The following NALCN variants were observed in gnomAD, a reference collection of about 807,000 sequenced individuals.
NALCN encodes the protein sodium leak channel NALCN.
In NALCN, 111 loss-of-function variants were observed where a neutral mutation model predicts 225.3. That is an observed-to-expected ratio of 0.49 (90% CI 0.42 to 0.58). The LOEUF is 0.58. NALCN is among the 20% of genes least tolerant of loss of function. The pLI is 0.00. For missense variants in NALCN, 1,378 were observed against 2,202.4 expected (o/e 0.63, Z 7.49); for synonymous variants, 764 against 769.0 (o/e 0.99, Z 0.11).
At chr13:101,250,878 A>T (rs1221883448) in intron 11 of NALCN, among the ~76,000 whole-genome samples, 2 of 152,012 alleles carry the variant, frequency 1.3e-5, no homozygotes, top group African/African-American at 4.8e-5. Context: ...ATTATAGAAG[A>T]GGAAATTCAG....
chr13:101,381,935 T>C (rs566493134), intron 3 of NALCN, among the ~76,000 whole-genome samples: 1 of 152,164 alleles, frequency 6.6e-6, no homozygotes, highest in South Asian at 2.1e-4. Flanking sequence ...AGGCAAAGAA[T>C]TCCAAAAACG....
At chr13:101,261,126 TC>T (rs71200734) in intron 10 of NALCN, among the ~76,000 whole-genome samples, 2 of 152,208 alleles carry the variant, frequency 1.3e-5, no homozygotes, top group African/African-American at 4.8e-5. Flanking sequence ...AACTCTCTTT[TC>T]CCCAGTGTAT....
In NALCN at chr13:101,104,151, A is replaced by C; in HGVS notation, c.2889+144T>G. The C allele has an allele frequency of 1.2e-6, 1 of 854,302 alleles. No homozygotes were observed. The highest frequency in any genetic ancestry group is 1.7e-6 in the Non-Finnish European group (1 of 581,022). 52.9% of individuals were successfully genotyped at this position (854,302 alleles called of 1,614,324 possible). On this transcript the variant is annotated intron_variant, in intron 25 of 43. Coordinates refer to ENST00000251127, the MANE Select transcript of NALCN (RefSeq NM_052867.4). The surrounding 1 kb of genome is among the most constrained non-coding windows in gnomAD (Gnocchi z 4.2). Reference sequence around the variant, plus strand: ...ACATGCATGGCCCTTATTTGCATATAATGAACTACTCTAGAGTCCATTTAA... The same window carrying C: ...ACATGCATGGCCCTTATTTGCATATCATGAACTACTCTAGAGTCCATTTAA...
rs1411386181 is a variant in NALCN, at chr13:101,148,369, G to A, written c.1840-3473C>T. Among the ~76,000 whole-genome samples the A allele has an allele frequency of 1.3e-5, 2 of 152,106 alleles. 1 individual carries two copies. Among genetic ancestry groups the A allele is most frequent in the South Asian group, 4.1e-4 (2 of 4,824 alleles). ...TGCTTCTGTCACCACATGGCCTTCTGGGCCTGCGTGTTTCTGTGTCTCTGA... is the reference window on the plus strand; with the variant it reads ...TGCTTCTGTCACCACATGGCCTTCTAGGCCTGCGTGTTTCTGTGTCTCTGA... On this transcript the variant is annotated intron_variant, in intron 15 of 43. Coordinates refer to ENST00000251127, the MANE Select transcript of NALCN (RefSeq NM_052867.4).
intron 7 of NALCN, among the ~76,000 whole-genome samples, chr13:101,303,040 C>A (rs976537606): frequency 6.6e-6 from 1 of 152,086 alleles, no homozygotes; most frequent in African/African-American, 2.4e-5. Context: ...CAGAACTCTA[C>A]AGAGGTGAGA....
At chr13:101,060,038 T>C in intron 41 of NALCN, 71 bp from the exon 42 acceptor site, 1 of 1,563,212 alleles carries the variant, frequency 6.4e-7, no homozygotes, top group Admixed American at 1.7e-5. Flanking sequence ...CACACAAATC[T>C]TATTTTCTTC....
intron 17 of NALCN, among the ~76,000 whole-genome samples, chr13:101,133,720 A>T (rs535608030): frequency 5.3e-5 from 8 of 152,332 alleles, no homozygotes; most frequent in East Asian, 3.9e-4. Context: ...TAGAAAAAAA[A>T]TTTTAAAAGG....
At chr13:101,182,546 G>A (rs544343807) in intron 14 of NALCN, among the ~76,000 whole-genome samples, 45 of 152,266 alleles carry the variant, frequency 3.0e-4, no homozygotes, top group Admixed American at 1.3e-3. Flanking sequence ...ATTTGACAGT[G>A]GCATGACAAA....
At chr13:101,094,103 A>C (rs2034376310) in intron 28 of NALCN, among the ~76,000 whole-genome samples, 1 of 152,162 alleles carries the variant, frequency 6.6e-6, no homozygotes. Flanking sequence ...GTGATTCTCA[A>C]GTCTGGCTCC....
intron 13 of NALCN, among the ~76,000 whole-genome samples, chr13:101,225,521 T>G (rs2041109015): frequency 6.6e-6 from 1 of 152,214 alleles, no homozygotes; most frequent in South Asian, 2.1e-4. Context: ...TTTAAAGTTC[T>G]TTCAACAGAA....
chr13:101,084,467 C>G (rs1447140744), intron 30 of NALCN, among the ~76,000 whole-genome samples: 5 of 152,114 alleles, frequency 3.3e-5, no homozygotes, highest in African/African-American at 1.2e-4. Flanking sequence ...CTTTCCTTAC[C>G]CAGAGCTAAC....
chr13:101,083,302 C>T (rs1047303870), intron 31 of NALCN, 104 bp from the exon 32 acceptor site: 26 of 972,560 alleles, frequency 2.7e-5, no homozygotes, highest in Non-Finnish European at 3.5e-5. Flanking sequence ...TTACATTTTT[C>T]TCCCCAAACA....
intron 3 of NALCN, among the ~76,000 whole-genome samples, chr13:101,391,593 A>T (rs1488956406): frequency 6.6e-6 from 1 of 152,122 alleles, no homozygotes; most frequent in African/African-American, 2.4e-5. Flanking sequence ...ATGAGGTGGG[A>T]GATCTCTTGA....
At chr13:101,295,576 C>A (rs1162300325) in intron 7 of NALCN, among the ~76,000 whole-genome samples, 1 of 152,106 alleles carries the variant, frequency 6.6e-6, no homozygotes, top group Non-Finnish European at 1.5e-5. Flanking sequence ...AACTTCTACT[C>A]CATTTTTTTT....
chr13:101,200,490 G>C (rs2040072013), intron 13 of NALCN, among the ~76,000 whole-genome samples: 1 of 152,166 alleles, frequency 6.6e-6, no homozygotes, highest in Admixed American at 6.6e-5. Context: ...TATAAGTTGA[G>C]ATTAAGAGCG....
At chr13:101,181,569 C>CA (rs757976308) in intron 14 of NALCN, among the ~76,000 whole-genome samples, 19,209 of 111,008 alleles carry the variant, frequency 0.17, 2,616 homozygotes, top group African/African-American at 0.41. Context: ...CCCTGTCTCT[C>CA]AAAAAAAAAA....
In NALCN at chr13:101,345,388, T is replaced by C; in HGVS notation, c.677A>G (p.Asp226Gly). 3.1e-6 allele frequency: 5 copies of C among 1,613,732 alleles called. No homozygotes were observed. Among genetic ancestry groups the C allele is most frequent in the Non-Finnish European group, 4.2e-6 (5 of 1,179,738 alleles). ...TTCTAGCTCTGGTGAGCAGTGTGTG[T>C]CTGGAATAGCTAAACTATTCCAGGT... ...NVTWNSLAIP[D>G]THCSPELEEG... The change falls in exon 7 of 44, where the codon GAC becomes GGC. Residue 226 changes from aspartate to glycine, a missense_variant. Transcript: ENST00000251127.
chr13:101,223,133 C>T (rs759124256), intron 13 of NALCN, among the ~76,000 whole-genome samples: 17 of 152,230 alleles, frequency 1.1e-4, no homozygotes, highest in Middle Eastern at 3.4e-3. Context: ...AACTCTTTTA[C>T]GGGACATTCA....
At chr13:101,395,414 A>C (rs1278284111) in intron 2 of NALCN, 49 bp from the exon 3 acceptor site, 886 of 1,527,812 alleles carry the variant, frequency 5.8e-4, no homozygotes, top group Non-Finnish European at 7.1e-4. Context: ...CTGATATCTC[A>C]AACTTGTATT....
Sources: allele counts gnomAD v4.1 joint callset (sites outside exome capture counted in the v4.1 genomes callset), GRCh38; gene constraint gnomAD v4.1.1; non-coding constraint Gnocchi (gnomAD v3.1); transcripts MANE v1.5; gene names NCBI Gene and HGNC (gene_info 2026-07-23, HGNC 2026-07-21).